The following ST6GALNAC3 variants were observed in gnomAD, a reference collection of about 807,000 sequenced individuals.
ST6GALNAC3 encodes the protein alpha-N-acetylgalactosaminide alpha-2,6-sialyltransferase 3.
Under a neutral mutation model 32.7 loss-of-function variants are expected in ST6GALNAC3, and 25 were observed. The observed-to-expected ratio is 0.76, with a 90% CI of 0.56 to 1.07. The LOEUF (loss-of-function observed/expected upper bound fraction) is 1.07. Ranked by LOEUF, ST6GALNAC3 falls within the 50% of genes least tolerant of loss-of-function variation. The pLI is 0.00. For missense variants in ST6GALNAC3, 355 were observed against 382.4 expected (o/e 0.93, Z 0.60); for synonymous variants, 129 against 133.1 (o/e 0.97, Z 0.21).
rs541454409 is a variant in ST6GALNAC3, at chr1:76,536,444, T to C, written c.624-91008T>C. Among the ~76,000 whole-genome samples, 13 of 151,934 alleles carry C rather than the reference T, an allele frequency of 8.6e-5. No homozygotes were observed. In the South Asian group the frequency reaches 2.7e-3, roughly 32 times the overall value. On this transcript the variant is annotated intron_variant, in intron 3 of 4. Transcript: ENST00000328299. ...TTCACATGGTGTCAAGAAGGAGAAGTGCAAAGCAAAAGCTCCATATAAAAC... is the reference window on the plus strand; with the variant it reads ...TTCACATGGTGTCAAGAAGGAGAAGCGCAAAGCAAAAGCTCCATATAAAAC...
intron 2 of ST6GALNAC3, among the ~76,000 whole-genome samples, chr1:76,410,011 T>C (rs1018387374): frequency 1.3e-5 from 2 of 152,262 alleles, no homozygotes; most frequent in Middle Eastern, 3.4e-3. Context: ...CACTATCCTC[T>C]CTTGCTGGGA....
chr1:76,380,983 A>G (rs1390920263), intron 2 of ST6GALNAC3, among the ~76,000 whole-genome samples: 1 of 152,126 alleles, frequency 6.6e-6, no homozygotes, highest in Non-Finnish European at 1.5e-5. Context: ...AGTTTTTAAA[A>G]TGTGTTCCTC....
intron 2 of ST6GALNAC3, among the ~76,000 whole-genome samples, chr1:76,369,382 A>G (rs1190791194): frequency 6.6e-6 from 1 of 152,172 alleles, no homozygotes; most frequent in Non-Finnish European, 1.5e-5. Flanking sequence ...TAACAAATGT[A>G]TATATGTAGC....
chr1:76,145,598 T>C (rs1352918053), intron 1 of ST6GALNAC3, among the ~76,000 whole-genome samples: 1 of 152,236 alleles, frequency 6.6e-6, no homozygotes, highest in Non-Finnish European at 1.5e-5. Context: ...CGGAAATAAT[T>C]AGTGACTTAA....
chr1:76,115,718 CT>C (rs1187513709), intron 1 of ST6GALNAC3, among the ~76,000 whole-genome samples: 2 of 152,106 alleles, frequency 1.3e-5, no homozygotes, highest in African/African-American at 4.8e-5. Context: ...TCCCTTATGC[CT>C]TCAGGGCTGT....
intron 1 of ST6GALNAC3, among the ~76,000 whole-genome samples, chr1:76,081,065 T>C (rs1646887661): frequency 6.6e-6 from 1 of 152,196 alleles, no homozygotes; most frequent in Admixed American, 6.5e-5. Flanking sequence ...GCTTCTGTGC[T>C]AAGTAAACTT....
intron 1 of ST6GALNAC3, among the ~76,000 whole-genome samples, chr1:76,176,364 G>A (rs1462747263): frequency 2.0e-5 from 3 of 152,170 alleles, no homozygotes; most frequent in Admixed American, 2.0e-4. Context: ...GAAGGTCACA[G>A]CACTGTTTTT....
intron 3 of ST6GALNAC3, among the ~76,000 whole-genome samples, chr1:76,605,981 T>C (rs1647519065): frequency 1.3e-5 from 2 of 151,012 alleles, no homozygotes; most frequent in Admixed American, 1.3e-4. Context: ...TCACTGATCA[T>C]TAAGAGAAAT....
At chr1:76,482,899 G>A (rs1033289657) in intron 3 of ST6GALNAC3, among the ~76,000 whole-genome samples, 5 of 121,376 alleles carry the variant, frequency 4.1e-5, no homozygotes, top group African/African-American at 6.6e-5. Flanking sequence ...CCAGAGGCCC[G>A]GGTGTGTGAT....
At chr1:76,401,011 A>G (rs985807853) in intron 2 of ST6GALNAC3, among the ~76,000 whole-genome samples, 1 of 151,892 alleles carries the variant, frequency 6.6e-6, no homozygotes, top group Non-Finnish European at 1.5e-5. Flanking sequence ...TTGTTTTTGT[A>G]TGATGAAGCT....
At chr1:76,258,272 C>T (rs1658030049) in intron 1 of ST6GALNAC3, among the ~76,000 whole-genome samples, 1 of 152,046 alleles carries the variant, frequency 6.6e-6, no homozygotes, top group African/African-American at 2.4e-5. Context: ...ACGTTCATTC[C>T]ATAAATATTT....
chr1:76,089,808 T>A (rs1647019054), intron 1 of ST6GALNAC3, among the ~76,000 whole-genome samples: 1 of 152,186 alleles, frequency 6.6e-6, no homozygotes, highest in Non-Finnish European at 1.5e-5. Context: ...GAGTCCTGCC[T>A]TGGAAAGACA....
intron 1 of ST6GALNAC3, among the ~76,000 whole-genome samples, chr1:76,288,399 G>A (rs548055070): frequency 6.6e-6 from 1 of 152,172 alleles, no homozygotes; most frequent in East Asian, 1.9e-4. Context: ...AACTACATCA[G>A]AGACCAGTCT....
In ST6GALNAC3 at chr1:76,248,509, G is replaced by T. The variant is rs918042280; in HGVS notation, c.19-65296G>T. On this transcript the variant is annotated intron_variant, in intron 1 of 4. Transcript: ENST00000328299. ...ATTTAAAGACCTTTCCTTAGCTAAT[G>T]CTTTTCTTTAATCAAATCACCGCCC... Among the ~76,000 whole-genome samples the T allele has an allele frequency of 2.5e-4, 38 of 152,050 alleles. 1 individual carries two copies. Among genetic ancestry groups the T allele is most frequent in the Admixed American group, 2.5e-3 (38 of 15,268 alleles).
intron 2 of ST6GALNAC3, among the ~76,000 whole-genome samples, chr1:76,331,191 A>AG (rs997226887): frequency 6.6e-6 from 1 of 152,166 alleles, no homozygotes; most frequent in Non-Finnish European, 1.5e-5. Context: ...CCCTACCACT[A>AG]GGGGGAGATG....
rs1042203229 is a variant in ST6GALNAC3, at chr1:76,368,216, A to G, written c.214-43792A>G. Among the ~76,000 whole-genome samples the G allele has an allele frequency of 2.6e-5, 4 of 152,298 alleles. No individual in the cohort carries two copies. In the South Asian group the frequency reaches 6.2e-4, roughly 24 times the overall value. ...AGAGAAAACCAGCACAAAACCATCT[A>G]TAGGCAATAGACAAATGAATGAATG... On this transcript the variant is annotated intron_variant, in intron 2 of 4. Transcript: ENST00000328299.
At chr1:76,214,300 C>G (rs1009248823) in intron 1 of ST6GALNAC3, among the ~76,000 whole-genome samples, 3 of 152,210 alleles carry the variant, frequency 2.0e-5, no homozygotes, top group Admixed American at 6.5e-5. Context: ...TGAAAGCTCT[C>G]TCAGTGCTGA....
intron 1 of ST6GALNAC3, chr1:76,307,836 C>T: frequency 2.0e-6 from 1 of 492,304 alleles, no homozygotes; most frequent in South Asian, 1.5e-5. Context: ...CGGATCTTTG[C>T]ACTTGTGTTC....
chr1:76,309,466 G>A (rs965717714), intron 1 of ST6GALNAC3, among the ~76,000 whole-genome samples: 5 of 152,084 alleles, frequency 3.3e-5, no homozygotes, highest in African/African-American at 1.2e-4. Flanking sequence ...TGCATTCAGC[G>A]ATGTGTAGCC....
Sources: allele counts gnomAD v4.1 joint callset (sites outside exome capture counted in the v4.1 genomes callset), GRCh38; gene constraint gnomAD v4.1.1; transcripts MANE v1.5; gene names NCBI Gene and HGNC (gene_info 2026-07-23, HGNC 2026-07-21).